SHANK2: variants seen among roughly 807,000 people sequenced by gnomAD.
SHANK2 encodes the protein SH3 and multiple ankyrin repeat domains protein 2.
In SHANK2, 43 loss-of-function variants were observed where a neutral mutation model predicts 133.7. That is an observed-to-expected ratio of 0.32 (90% CI 0.25 to 0.41). The LOEUF (loss-of-function observed/expected upper bound fraction) is 0.41. SHANK2 is among the 10% of genes least tolerant of loss of function. SHANK2 has a pLI of 1.00. For synonymous variants in SHANK2, 1,017 were observed against 952.8 expected (o/e 1.07, Z -1.24); for missense variants, 1,994 against 2,235.8 (o/e 0.89, Z 2.18).
chr11:71,084,147 A>G (rs1374010971), intron 8 of SHANK2, among the ~76,000 whole-genome samples: 1 of 151,782 alleles, frequency 6.6e-6, no homozygotes, highest in Non-Finnish European at 1.5e-5. Context: ...TTTTTTTTGT[A>G]TTTTTAGTAG....
intron 17 of SHANK2, chr11:70,634,251 C>G (rs1453388330): frequency 6.6e-6 from 1 of 151,202 alleles, no homozygotes; most frequent in Admixed American, 6.6e-5. Flanking sequence ...CTGTGAGAGA[C>G]AGACTGAAGG....
chr11:70,690,122 C>T (rs72948949), intron 15 of SHANK2, among the ~76,000 whole-genome samples: 33,838 of 152,078 alleles, frequency 0.22, 3,945 homozygotes, highest in Non-Finnish European at 0.26. Context: ...GCAGGATGAT[C>T]GTCGTGTACT....
intron 24 of SHANK2, among the ~76,000 whole-genome samples, chr11:70,488,336 G>A (rs556474567): frequency 2.0e-5 from 3 of 152,310 alleles, no homozygotes; most frequent in East Asian, 3.9e-4. Flanking sequence ...TGAGCCCCAC[G>A]GCTGCCCAGA....
At chr11:70,936,716 A>T (rs1354497613) in intron 10 of SHANK2, among the ~76,000 whole-genome samples, 1 of 152,140 alleles carries the variant, frequency 6.6e-6, no homozygotes, top group East Asian at 1.9e-4. Context: ...GTTCATAGAG[A>T]GCTGGTGCAG....
chr11:71,212,098 C>T (rs940221360), intron 2 of SHANK2, among the ~76,000 whole-genome samples: 5 of 152,204 alleles, frequency 3.3e-5, no homozygotes, highest in Non-Finnish European at 7.3e-5. Flanking sequence ...GAAAAGTCTG[C>T]TTTCCAAATG....
chr11:70,647,924 T>C (rs2134194863), intron 17 of SHANK2, among the ~76,000 whole-genome samples: 1 of 152,298 alleles, frequency 6.6e-6, no homozygotes, highest in South Asian at 2.1e-4. Flanking sequence ...CCTAGGTATG[T>C]ACCCTAAGGA....
intron 10 of SHANK2, among the ~76,000 whole-genome samples, chr11:70,906,609 C>T (rs1032873805): frequency 6.6e-6 from 1 of 152,262 alleles, no homozygotes; most frequent in East Asian, 1.9e-4. Flanking sequence ...AATGGCTTCT[C>T]GGAAAGGCAC....
chr11:70,893,028 A>T (rs1274953634), intron 11 of SHANK2, among the ~76,000 whole-genome samples: 1 of 151,784 alleles, frequency 6.6e-6, no homozygotes, highest in Non-Finnish European at 1.5e-5. Context: ...TCAAATCCTC[A>T]CCTCAAGGTC....
chr11:70,723,705 C>T (rs1422763618), intron 14 of SHANK2, among the ~76,000 whole-genome samples: 1 of 152,148 alleles, frequency 6.6e-6, no homozygotes, highest in Admixed American at 6.5e-5. Flanking sequence ...ACTGTTTAGA[C>T]TTATGAGCCA....
chr11:70,886,057 G>A (rs782238091), intron 11 of SHANK2, among the ~76,000 whole-genome samples: 2 of 152,152 alleles, frequency 1.3e-5, no homozygotes, highest in Admixed American at 6.5e-5. Context: ...GGTTATGTCC[G>A]GATGAAACCA....
chr11:71,195,950 G>A (rs1555116133), intron 2 of SHANK2, among the ~76,000 whole-genome samples: 1 of 152,190 alleles, frequency 6.6e-6, no homozygotes, highest in African/African-American at 2.4e-5. Flanking sequence ...GGGAGGGTGA[G>A]GCAGGAGGAT....
At chr11:71,162,942 G>A (rs375858539) in intron 2 of SHANK2, among the ~76,000 whole-genome samples, 26 of 151,294 alleles carry the variant, frequency 1.7e-4, no homozygotes, top group Admixed American at 1.1e-3. Flanking sequence ...GTGTGGTGGC[G>A]GACGCCTGTA....
At chr11:71,107,083 C>G (rs1349155700) in intron 6 of SHANK2, among the ~76,000 whole-genome samples, 1 of 152,060 alleles carries the variant, frequency 6.6e-6, no homozygotes, top group Non-Finnish European at 1.5e-5. Context: ...CCACTACAAT[C>G]TAGCCTGGGT....
chr11:70,612,459 C>G (rs528989821), intron 17 of SHANK2, among the ~76,000 whole-genome samples: 21 of 152,220 alleles, frequency 1.4e-4, no homozygotes, highest in Non-Finnish European at 2.6e-4. Context: ...TACACATATG[C>G]ATGCGTGCAT....
intron 10 of SHANK2, among the ~76,000 whole-genome samples, chr11:70,953,638 A>C (rs1950876014): frequency 2.0e-5 from 3 of 152,174 alleles, no homozygotes; most frequent in Non-Finnish European, 2.9e-5. Context: ...ACCTGCATCC[A>C]CCTGCTTAGT....
intron 15 of SHANK2, among the ~76,000 whole-genome samples, chr11:70,694,604 G>A (rs1555021822): frequency 6.6e-6 from 1 of 152,190 alleles, no homozygotes; most frequent in Non-Finnish European, 1.5e-5. Flanking sequence ...TAGTCTACTT[G>A]CAACATGAAT....
chr11:70,839,209 T>C (rs1948867138), intron 11 of SHANK2, among the ~76,000 whole-genome samples: 1 of 152,236 alleles, frequency 6.6e-6, no homozygotes, highest in South Asian at 2.1e-4. Context: ...TTCAAATTAC[T>C]TTTTCATTCT....
At position 71,058,090 on chromosome 11, in the gene SHANK2, C is replaced by T. The variant is rs1014221392; in HGVS notation, c.1030-1532G>A. On this transcript the variant is annotated intron_variant, in intron 9 of 25. Transcript: ENST00000601538. ...TTGTATTTTTTTGTAGAGACGAGGT[C>T]CCCCGTGTTGTCTAGGCTGGTCTCA... 6.5e-4 allele frequency among the ~76,000 whole-genome samples: 97 copies of T among 149,086 alleles called. 1 individual carries two copies. Among genetic ancestry groups the T allele is most frequent in the Non-Finnish European group, 1.1e-3 (76 of 67,258 alleles).
rs952987441 is a variant in SHANK2, at chr11:70,820,547, G to A, written c.1310C>T (p.Ser437Phe). The A allele has an allele frequency of 4.2e-6, 3 of 716,968 alleles. No homozygotes were observed. Among genetic ancestry groups the A allele is most frequent in the Non-Finnish European group, 7.8e-6 (3 of 384,786 alleles). 44.4% of individuals were successfully genotyped at this position (716,968 alleles called of 1,614,324 possible). The change falls in exon 12 of 26, where the codon TCC (serine) becomes TTC (phenylalanine). Residue 437 changes from serine (S) to phenylalanine (F), a missense_variant. Ser to Phe is a radical substitution (Grantham distance 155, BLOSUM62 -2). Around this residue, in one of 5 missense-constraint regions of SHANK2, gnomAD observed 653 missense variants for 563.4 expected, o/e 1.16. Coordinates refer to ENST00000601538, the MANE Select transcript of SHANK2 (RefSeq NM_012309.5). Reference sequence around the variant, plus strand: ...CAGGCTGCGGTGCGAGGTGGCCGTGGAGCAGACGGCCCAGTCGGGAGCGCT... The same window carrying A: ...CAGGCTGCGGTGCGAGGTGGCCGTGAAGCAGACGGCCCAGTCGGGAGCGCT... Reference protein sequence around the residue: ...NASAPDWAVCSTATSHRSLSP... With the variant: ...NASAPDWAVCFTATSHRSLSP...
Sources: gnomAD v4.1 joint callset for allele counts (sites outside exome capture counted in the v4.1 genomes callset) on GRCh38, gnomAD v4.1.1 for gene constraint, gnomAD v4.1.1 regional missense constraint, MANE v1.5 for transcripts, NCBI Gene and HGNC (gene_info 2026-07-23, HGNC 2026-07-21) for gene names.